AGBL4: variants seen among roughly 807,000 people sequenced by gnomAD.
AGBL4 encodes cytosolic carboxypeptidase 6.
Under a neutral mutation model 66.4 loss-of-function variants are expected in AGBL4, and 58 were observed. The ratio of observed to expected loss-of-function variants is 0.87; its 90% CI spans 0.71 to 1.09. AGBL4 has a LOEUF of 1.09. AGBL4 is among the 50% of genes least tolerant of loss of function. The pLI is 0.00. For missense variants in AGBL4, 579 were observed against 631.0 expected (o/e 0.92, Z 0.88); for synonymous variants, 234 against 222.9 (o/e 1.05, Z -0.44).
At chr1:49,354,584 C>G (rs1286034252) in intron 3 of AGBL4, among the ~76,000 whole-genome samples, 2 of 152,168 alleles carry the variant, frequency 1.3e-5, no homozygotes, top group African/African-American at 4.8e-5. Flanking sequence ...AATATCATCT[C>G]CATGCTAATG....
intron 1 of AGBL4, among the ~76,000 whole-genome samples, chr1:49,867,630 A>G (rs933800723): frequency 5.3e-5 from 8 of 151,888 alleles, no homozygotes; most frequent in Non-Finnish European, 1.2e-4. Flanking sequence ...ACTAAGCTTC[A>G]TAAACGAAGG....
intron 3 of AGBL4, among the ~76,000 whole-genome samples, chr1:49,483,879 T>C (rs1345436172): frequency 6.6e-6 from 1 of 151,864 alleles, no homozygotes; most frequent in East Asian, 1.9e-4. Context: ...AAACAGAATA[T>C]ATAAAGAGCT....
chr1:48,571,767 T>G (rs895329563), intron 11 of AGBL4, among the ~76,000 whole-genome samples: 4 of 152,222 alleles, frequency 2.6e-5, no homozygotes, highest in African/African-American at 4.8e-5. Context: ...GGATGTCATG[T>G]GGGCCTCGGG....
chr1:49,868,863 C>T (rs1646771086), intron 1 of AGBL4, among the ~76,000 whole-genome samples: 1 of 152,058 alleles, frequency 6.6e-6, no homozygotes, highest in South Asian at 2.1e-4. Flanking sequence ...TTCCATCTGA[C>T]AAATATCTAA....
intron 2 of AGBL4, among the ~76,000 whole-genome samples, chr1:49,736,003 A>G (rs557954822): frequency 6.6e-6 from 1 of 152,280 alleles, no homozygotes; most frequent in East Asian, 1.9e-4. Context: ...ACAGAGAAAA[A>G]AAATGAAAAA....
intron 5 of AGBL4, among the ~76,000 whole-genome samples, chr1:48,910,248 T>A (rs1652970595): frequency 6.6e-6 from 1 of 152,242 alleles, no homozygotes; most frequent in Non-Finnish European, 1.5e-5. Flanking sequence ...TCAGTGAATA[T>A]CACTGTTCTC....
Position 48,766,447 on chromosome 1 carries a change from A to G in AGBL4, c.634+100744T>C, listed in dbSNP as rs549230722. ...TTCCCCAGCCTAAGCTCAAAGCAGA[A>G]GACCACTTGACTCCCACTTTCTTGC... On this transcript the variant is annotated intron_variant, in intron 6 of 13. Coordinates refer to ENST00000371839, the MANE Select transcript of AGBL4 (RefSeq NM_032785.4). 2.6e-5 allele frequency among the ~76,000 whole-genome samples: 4 copies of G among 152,330 alleles called. No homozygotes were observed. The East Asian group carries it at 7.7e-4, about 29-fold the overall frequency.
chr1:49,218,149 C>T lies in AGBL4; in HGVS notation c.377+27621G>A, dbSNP rs142222395. On this transcript the variant is annotated intron_variant, in intron 4 of 13. Transcript: ENST00000371839. Reference sequence around the variant, plus strand: ...ATAACAGATTGAGAAACTAAGGAGTCACTTGTGAAGGCATTCTGGGACCTC... The same window carrying T: ...ATAACAGATTGAGAAACTAAGGAGTTACTTGTGAAGGCATTCTGGGACCTC... 2.2e-3 allele frequency among the ~76,000 whole-genome samples: 330 copies of T among 152,122 alleles called. 3 individuals are homozygous for T. In the Middle Eastern group the frequency reaches 0.024, roughly 11 times the overall value.
At chr1:49,628,014 T>C (rs1645497540) in intron 3 of AGBL4, among the ~76,000 whole-genome samples, 1 of 152,182 alleles carries the variant, frequency 6.6e-6, no homozygotes, top group Non-Finnish European at 1.5e-5. Flanking sequence ...TATGACTTTG[T>C]AGGTCTAACA....
intron 3 of AGBL4, among the ~76,000 whole-genome samples, chr1:49,302,335 C>G (rs1408250152): frequency 6.6e-6 from 1 of 151,860 alleles, no homozygotes; most frequent in African/African-American, 2.4e-5. Flanking sequence ...TCAATGCAAC[C>G]TCTGCCTCCC....
chr1:48,875,713 T>C (rs1649154935), intron 5 of AGBL4, among the ~76,000 whole-genome samples: 1 of 152,120 alleles, frequency 6.6e-6, no homozygotes. Context: ...GCAAAGACAA[T>C]TTGCAAGTAG....
At chr1:49,391,112 G>C (rs1284503891) in intron 3 of AGBL4, among the ~76,000 whole-genome samples, 1 of 152,186 alleles carries the variant, frequency 6.6e-6, no homozygotes, top group Non-Finnish European at 1.5e-5. Flanking sequence ...ACATAGAGCA[G>C]ATCCTAGCAC....
intron 1 of AGBL4, among the ~76,000 whole-genome samples, chr1:49,998,884 C>T (rs371474278): frequency 7.9e-5 from 12 of 152,084 alleles, no homozygotes; most frequent in African/African-American, 2.4e-4. Flanking sequence ...AATCCAGCAT[C>T]GCTTTATGTT....
At chr1:49,470,291 C>T (rs1203474475) in intron 3 of AGBL4, among the ~76,000 whole-genome samples, 1 of 151,876 alleles carries the variant, frequency 6.6e-6, no homozygotes, top group Non-Finnish European at 1.5e-5. Context: ...ATTATACTCG[C>T]TCCATACATT....
At chr1:49,346,431 A>G (rs1645635155) in intron 3 of AGBL4, among the ~76,000 whole-genome samples, 1 of 152,200 alleles carries the variant, frequency 6.6e-6, no homozygotes, top group African/African-American at 2.4e-5. Context: ...CTTGGTTCCA[A>G]CAATTTCCCA....
intron 3 of AGBL4, among the ~76,000 whole-genome samples, chr1:49,650,213 G>C (rs1020264492): frequency 6.6e-6 from 1 of 152,140 alleles, no homozygotes; most frequent in Non-Finnish European, 1.5e-5. Flanking sequence ...GATCTGAGTG[G>C]AAAGCTGAAG....
At chr1:49,790,639 TC>T (rs1644576401) in intron 2 of AGBL4, among the ~76,000 whole-genome samples, 1 of 152,072 alleles carries the variant, frequency 6.6e-6, no homozygotes, top group Non-Finnish European at 1.5e-5. Context: ...ATCATTTCAA[TC>T]CAGAATTCTA....
At chr1:49,262,863 T>A (rs1246884391) in intron 3 of AGBL4, among the ~76,000 whole-genome samples, 8 of 152,172 alleles carry the variant, frequency 5.3e-5, no homozygotes, top group African/African-American at 1.9e-4. Context: ...CACGTATGTT[T>A]ATTGCGGCAC....
chr1:48,989,203 C>T (rs886526065), intron 5 of AGBL4, among the ~76,000 whole-genome samples: 1 of 150,944 alleles, frequency 6.6e-6, no homozygotes. Flanking sequence ...CTTCGAGAGC[C>T]TTCATTCTTT....
Sources: allele counts gnomAD v4.1 joint callset (sites outside exome capture counted in the v4.1 genomes callset), GRCh38; gene constraint gnomAD v4.1.1; transcripts MANE v1.5; gene names NCBI Gene and HGNC (gene_info 2026-07-23, HGNC 2026-07-21).